The following ENOX1 variants were observed in gnomAD, a reference collection of about 807,000 sequenced individuals.
ENOX1 encodes candidate growth-related and time keeping constitutive hydroquinone (NADH) oxidase.
A neutral mutation model predicts 82.5 loss-of-function variants in ENOX1; 42 were observed. The observed-to-expected ratio is 0.51, with a 90% CI of 0.40 to 0.66. The LOEUF (loss-of-function observed/expected upper bound fraction) is 0.66. ENOX1 is among the 30% of genes least tolerant of loss of function. ENOX1 has a pLI of 0.00. For missense variants in ENOX1, 608 were observed against 811.6 expected, an observed-to-expected ratio of 0.75 and a Z score of 3.05; for synonymous variants, 271 against 282.2, an observed-to-expected ratio of 0.96 and a Z score of 0.40.
intron 2 of ENOX1, among the ~76,000 whole-genome samples, chr13:43,634,073 A>G (rs2083324178): frequency 6.6e-6 from 1 of 152,152 alleles, no homozygotes; most frequent in African/African-American, 2.4e-5. Context: ...AACTGGCAGA[A>G]AGTTATTCAT....
intron 15 of ENOX1, among the ~76,000 whole-genome samples, chr13:43,235,157 G>T (rs2042471459): frequency 6.6e-6 from 1 of 152,164 alleles, no homozygotes; most frequent in East Asian, 1.9e-4. Flanking sequence ...AACTACATAT[G>T]GGTTCGTTTT....
intron 3 of ENOX1, among the ~76,000 whole-genome samples, chr13:43,473,871 C>T (rs1309686863): frequency 1.3e-5 from 2 of 152,104 alleles, no homozygotes; most frequent in Non-Finnish European, 2.9e-5. Context: ...TCTTATTATT[C>T]TTCTCCTTGA....
At chr13:43,316,858 T>A (rs1593890470) in intron 11 of ENOX1, among the ~76,000 whole-genome samples, 1 of 152,308 alleles carries the variant, frequency 6.6e-6, no homozygotes, top group African/African-American at 2.4e-5. Flanking sequence ...GAAAGCAGGC[T>A]ACTCAGCCCA....
At chr13:43,557,393 G>A (rs564964927) in intron 2 of ENOX1, among the ~76,000 whole-genome samples, 116 of 152,264 alleles carry the variant, frequency 7.6e-4, no homozygotes, top group South Asian at 2.3e-3. Context: ...TTTCAGGAAA[G>A]GGGCACTGGG....
intron 5 of ENOX1, among the ~76,000 whole-genome samples, chr13:43,385,338 A>G (rs141490777): frequency 1.5e-4 from 23 of 152,268 alleles, no homozygotes; most frequent in Middle Eastern, 3.4e-3. Context: ...CCTTAAAGTA[A>G]AAATGTTTGC....
chr13:43,671,066 T>C (rs185571456), intron 1 of ENOX1, among the ~76,000 whole-genome samples: 117 of 152,256 alleles, frequency 7.7e-4, no homozygotes, highest in Non-Finnish European at 5.7e-4. Flanking sequence ...TCCCCCATAC[T>C]CTTCTAGTGA....
intron 1 of ENOX1, among the ~76,000 whole-genome samples, chr13:43,744,533 G>A (rs1292344553): frequency 1.3e-5 from 2 of 152,148 alleles, no homozygotes; most frequent in African/African-American, 4.8e-5. Context: ...CTCTTTGGCA[G>A]TCACGTCTAG....
At chr13:43,784,779 C>T (rs1034956154) in intron 1 of ENOX1, among the ~76,000 whole-genome samples, 6 of 152,208 alleles carry the variant, frequency 3.9e-5, no homozygotes, top group Non-Finnish European at 8.8e-5. Context: ...CATTAACTTG[C>T]ATCAGTTGCT....
chr13:43,567,810 C>A (rs894522334), intron 2 of ENOX1, among the ~76,000 whole-genome samples: 4 of 152,154 alleles, frequency 2.6e-5, no homozygotes, highest in African/African-American at 9.7e-5. Context: ...CTTCAAATAT[C>A]TTTGCATTTA....
At chr13:43,457,304 G>T (rs888617188) in intron 3 of ENOX1, among the ~76,000 whole-genome samples, 3 of 152,134 alleles carry the variant, frequency 2.0e-5, no homozygotes, top group Admixed American at 6.5e-5. Context: ...GTTAAGGAGG[G>T]TATTGACAAA....
chr13:43,265,663 A>G lies in ENOX1; in HGVS notation c.1555-209T>C, dbSNP rs2153479068. ...TATGAAGTTTGATGCCTGGCAAAAG[A>G]ATAAATGGGTCTTGGTCATTATTTT... On this transcript the variant is annotated intron_variant, in intron 13 of 16. Transcript: ENST00000690772. Among the ~76,000 whole-genome samples the G allele has an allele frequency of 1.3e-5, 2 of 152,336 alleles. 1 individual carries two copies. Among genetic ancestry groups the G allele is most frequent in the South Asian group, 4.1e-4 (2 of 4,830 alleles).
intron 2 of ENOX1, among the ~76,000 whole-genome samples, chr13:43,551,045 AT>A (rs961198489): frequency 7.9e-5 from 12 of 152,180 alleles, no homozygotes; most frequent in South Asian, 6.2e-4. Flanking sequence ...AGAGACAAGT[AT>A]TTTTTTTAAG....
intron 11 of ENOX1, among the ~76,000 whole-genome samples, chr13:43,312,939 G>A (rs2153519848): frequency 6.6e-6 from 1 of 152,256 alleles, no homozygotes; most frequent in Non-Finnish European, 1.5e-5. Flanking sequence ...GCATCTCCAG[G>A]CTACCTTTGC....
Position 43,699,235 on chromosome 13 carries a change from C to T in ENOX1, c.-284-31691G>A, listed in dbSNP as rs903280245. 2.0e-5 allele frequency among the ~76,000 whole-genome samples: 3 copies of T among 152,262 alleles called. No homozygotes were observed. The East Asian group carries it at 5.8e-4, about 29-fold the overall frequency. ...AAATGACTTGAGGGAAGAATGCCTCCTATGGAATCATCAACAAGTCAAACA... is the reference window on the plus strand; with the variant it reads ...AAATGACTTGAGGGAAGAATGCCTCTTATGGAATCATCAACAAGTCAAACA... On this transcript the variant is annotated intron_variant, in intron 1 of 16. Transcript: ENST00000690772.
At chr13:43,664,670 T>C (rs928247376) in intron 2 of ENOX1, among the ~76,000 whole-genome samples, 20 of 152,174 alleles carry the variant, frequency 1.3e-4, no homozygotes, top group African/African-American at 4.8e-4. Flanking sequence ...TGTGAAAAGT[T>C]ATGGGAGACC....
chr13:43,756,931 A>G (rs1452807306), intron 1 of ENOX1, among the ~76,000 whole-genome samples: 1 of 147,844 alleles, frequency 6.8e-6, no homozygotes, highest in Non-Finnish European at 1.5e-5. Context: ...AACCCTGGAC[A>G]ACATAGTGAG....
At chr13:43,655,370 T>C (rs1303270625) in intron 2 of ENOX1, among the ~76,000 whole-genome samples, 2 of 152,154 alleles carry the variant, frequency 1.3e-5, no homozygotes, top group African/African-American at 2.4e-5. Flanking sequence ...TTTTTTGGAC[T>C]GTTAAATATG....
intron 2 of ENOX1, among the ~76,000 whole-genome samples, chr13:43,612,414 G>C (rs2082235826): frequency 6.6e-6 from 1 of 152,074 alleles, no homozygotes; most frequent in Non-Finnish European, 1.5e-5. Flanking sequence ...AATTGAGAAA[G>C]ATCAAAAAGG....
chr13:43,487,158 T>TG (rs1468704397), intron 2 of ENOX1, among the ~76,000 whole-genome samples: 2 of 148,642 alleles, frequency 1.3e-5, no homozygotes, highest in African/African-American at 5.0e-5. Context: ...GGTGACAAAG[T>TG]GAGACTCTGT....
Sources: allele counts gnomAD v4.1 joint callset (sites outside exome capture counted in the v4.1 genomes callset), GRCh38; gene constraint gnomAD v4.1.1; transcripts MANE v1.5; gene names NCBI Gene and HGNC (gene_info 2026-07-23, HGNC 2026-07-21).